ACKR2: variants seen among roughly 807,000 people sequenced by gnomAD.
ACKR2 encodes the protein atypical chemokine receptor 2.
For synonymous variants in ACKR2, 207 were observed against 192.2 expected (o/e 1.08, Z -0.64); for missense variants, 457 against 477.3 (o/e 0.96, Z 0.40).
chr3:42,831,053 A>C (rs1700927182), intron 2 of ACKR2, among the ~76,000 whole-genome samples: 1 of 152,188 alleles, frequency 6.6e-6, no homozygotes, highest in Non-Finnish European at 1.5e-5. Context: ...AAAAAAGAGA[A>C]GAAAAGAAAA....
intron 2 of ACKR2, among the ~76,000 whole-genome samples, chr3:42,830,689 TC>T: frequency 7.8e-6 from 1 of 128,076 alleles, no homozygotes. Flanking sequence ...TTTTTTCTTT[TC>T]TTTTTTTTTT....
rs1310571924 is a variant in ACKR2, at chr3:42,864,722, T to TA, written c.221dup (p.Tyr74Ter). 14 of 1,614,228 alleles carry TA rather than the reference T, an allele frequency of 8.7e-6. No homozygotes were observed. The highest frequency in any genetic ancestry group is 1.2e-5 in the Non-Finnish European group (14 of 1,180,044). Reference protein sequence around the residue: ...NLLLLMVLLRYVPRRRMVEIY... With the variant: ...NLLLLMVLLR ...CCTTCTTCTCATGGTCTTGCTCCGT[T>TA]ACGTGCCTCGCAGGCGGATGGTTGA... Residue 74 changes from tyrosine to a stop codon, truncating the protein, a stop_gained and frameshift_variant, in exon 3 of 3, where the codon TAC (tyrosine) becomes TAAC (stop). Coordinates refer to ENST00000422265, the MANE Select transcript of ACKR2 (RefSeq NM_001296.5). LOFTEE classifies it low-confidence loss of function (END_TRUNC).
intron 2 of ACKR2, among the ~76,000 whole-genome samples, chr3:42,858,431 CCTGA>C (rs1369870908): frequency 6.6e-6 from 1 of 152,088 alleles, no homozygotes. Context: ...AGCAGAGGGG[CCTGA>C]CTGTTAGAAG....
At chr3:42,829,136 G>A (rs1700903197) in intron 2 of ACKR2, among the ~76,000 whole-genome samples, 1 of 152,166 alleles carries the variant, frequency 6.6e-6, no homozygotes, top group African/African-American at 2.4e-5. Context: ...AGAAGAAAAT[G>A]AGGGTGAGTA....
intron 2 of ACKR2, among the ~76,000 whole-genome samples, chr3:42,841,386 G>T (rs1278941395): frequency 6.6e-6 from 1 of 152,222 alleles, no homozygotes; most frequent in Non-Finnish European, 1.5e-5. Context: ...TCCATTAGAG[G>T]TTAGTGAAAA....
rs767581919 is a variant in ACKR2 at position 42,817,070 on chromosome 3, C to A, written c.-118-2561C>A. Among the ~76,000 whole-genome samples, 77 of 152,076 alleles carry A rather than the reference C, an allele frequency of 5.1e-4. 1 individual carries two copies. The highest frequency in any genetic ancestry group is 9.4e-4 in the Non-Finnish European group (64 of 68,006). ...TATTTAGCCTCACATTTTTCATCAA[C>A]ACAATGGGGATACTAGTAAGTATAT... On this transcript the variant is annotated intron_variant, in intron 1 of 2. Transcript: ENST00000422265.
chr3:42,845,522 T>G (rs1701084233), intron 2 of ACKR2, among the ~76,000 whole-genome samples: 1 of 152,158 alleles, frequency 6.6e-6, no homozygotes, highest in Non-Finnish European at 1.5e-5. Flanking sequence ...GGACCATATC[T>G]GGCTAATTTT....
intron 2 of ACKR2, among the ~76,000 whole-genome samples, chr3:42,820,725 TAAAAAA>T (rs34544490): frequency 9.9e-6 from 1 of 100,506 alleles, no homozygotes; most frequent in African/African-American, 3.9e-5. Flanking sequence ...AAAATAACAG[TAAAAAA>T]AAAAAAAAAA....
At chr3:42,820,721 A>G (rs1700801529) in intron 2 of ACKR2, among the ~76,000 whole-genome samples, 1 of 143,924 alleles carries the variant, frequency 6.9e-6, no homozygotes, top group Non-Finnish European at 1.5e-5. Flanking sequence ...CACTAAAATA[A>G]CAGTAAAAAA....
intron 2 of ACKR2, among the ~76,000 whole-genome samples, chr3:42,845,146 G>A (rs1701080133): frequency 6.6e-6 from 1 of 152,178 alleles, no homozygotes; most frequent in South Asian, 2.1e-4. Flanking sequence ...ATAAGACAGG[G>A]CACGGTGTCC....
At position 42,829,434 on chromosome 3, in the gene ACKR2, G is replaced by A. The variant is rs186643569; in HGVS notation, c.-38+9723G>A. On this transcript the variant is annotated intron_variant, in intron 2 of 2. Transcript: ENST00000422265. Reference sequence around the variant, plus strand: ...GAAGTGAAGGGAGAAAATGGGAGTGGTAGGCCAGGAATGAGGGGCAATTCT... The same window carrying A: ...GAAGTGAAGGGAGAAAATGGGAGTGATAGGCCAGGAATGAGGGGCAATTCT... Among the ~76,000 whole-genome samples, 732 of 152,290 alleles carry A rather than the reference G, an allele frequency of 4.8e-3. 2 individuals carry two copies. The highest frequency in any genetic ancestry group is 6.5e-3 in the Non-Finnish European group (441 of 68,022).
Position 42,865,080 on chromosome 3 carries a change from G to T in ACKR2, c.578G>T (p.Trp193Leu). Residue 193 changes from tryptophan to leucine, a missense_variant, in exon 3 of 3, where the codon TGG becomes TTG. Physicochemically the swap from Trp to Leu is moderately conservative, Grantham distance 61 (BLOSUM62 -2). Transcript: ENST00000422265. The stretch of plus-strand genomic sequence containing the variant: ...ACACATGAAAATCCCAAGGGTGTGT[G>T]GAACTGCCACGCAGATTTCGGCGGG... ...VQTHENPKGVWNCHADFGGHG... is the reference protein window; with the variant it reads ...VQTHENPKGVLNCHADFGGHG... The T allele has an allele frequency of 6.2e-7, 1 of 1,614,034 alleles. No homozygotes were observed. The highest frequency in any genetic ancestry group is 8.5e-7 in the Non-Finnish European group (1 of 1,180,018).
rs147517743 is a variant in ACKR2, at chr3:42,858,732, T to G, written c.-37-5734T>G. Among the ~76,000 whole-genome samples the G allele has an allele frequency of 5.6e-3, 844 of 152,054 alleles. 3 individuals are homozygous for G. Among genetic ancestry groups the G allele is most frequent in the Non-Finnish European group, 8.3e-3 (565 of 67,990 alleles). On this transcript the variant is annotated intron_variant, in intron 2 of 2. Transcript: ENST00000422265. Reference sequence around the variant, plus strand: ...TGGGTAATAACAAACTCCTCTGAGCTAAAGGAGCATGTTCTAACCCAATGC... The same window carrying G: ...TGGGTAATAACAAACTCCTCTGAGCGAAAGGAGCATGTTCTAACCCAATGC...
chr3:42,843,482 A>G (rs907811520), intron 2 of ACKR2, among the ~76,000 whole-genome samples: 1 of 152,134 alleles, frequency 6.6e-6, no homozygotes, highest in Admixed American at 6.5e-5. Flanking sequence ...GTGTATGTGT[A>G]CAATAGACTG....
rs753363846 is a variant in ACKR2, at chr3:42,864,886, T to C, written c.384T>C (p.Phe128=). The change falls in exon 3 of 3, where the codon TTT becomes TTC. Residue 128 remains phenylalanine (F), a synonymous_variant. Transcript: ENST00000422265. ...KMVSTLYTIN[F]YSGIFFISCM... ...TGAGCACTCTTTATACTATTAACTT[T>C]TACAGTGGCATCTTTTTCATTAGCT... The C allele has an allele frequency of 3.3e-5, 53 of 1,614,046 alleles. No individual in the cohort carries two copies. The highest frequency in any genetic ancestry group is 4.5e-5 in the Non-Finnish European group (53 of 1,180,052).
chr3:42,856,428 T>C lies in ACKR2; in HGVS notation c.-37-8038T>C, dbSNP rs2088322140. ...TGAGATCATGGTATCATAGATACTT[T>C]GGGTCAACTGAGGACCCGAGTCAAC... On this transcript the variant is annotated intron_variant, in intron 2 of 2. Transcript: ENST00000422265. 11 of 702,384 alleles carry C rather than the reference T, an allele frequency of 1.6e-5. No homozygotes were observed. The East Asian group carries it at 2.7e-4, about 17-fold the overall frequency. The allele number at this position is 702,384 out of a possible 1,614,324, so 43.5% of individuals were successfully genotyped here.
chr3:42,834,463 A>G (rs547375680), intron 2 of ACKR2: 68 of 152,132 alleles, frequency 4.5e-4, no homozygotes, highest in African/African-American at 1.5e-3. Context: ...CATCCTTGAC[A>G]TCCTGGGCTC....
At chr3:42,845,590 C>A (rs1701084849) in intron 2 of ACKR2, among the ~76,000 whole-genome samples, 1 of 152,102 alleles carries the variant, frequency 6.6e-6, no homozygotes, top group African/African-American at 2.4e-5. Context: ...TCTTGAACTC[C>A]TGACCTCAGG....
chr3:42,819,966 C>G (rs1400158238), intron 2 of ACKR2, among the ~76,000 whole-genome samples: 2 of 152,138 alleles, frequency 1.3e-5, no homozygotes, highest in Non-Finnish European at 2.9e-5. Context: ...AATGAGGTAC[C>G]TCTTCTGGGA....
Sources: gnomAD v4.1 joint callset for allele counts (sites outside exome capture counted in the v4.1 genomes callset) on GRCh38, gnomAD v4.1.1 for gene constraint, MANE v1.5 for transcripts, NCBI Gene and HGNC (gene_info 2026-07-23, HGNC 2026-07-21) for gene names.